MAST4: variants seen among roughly 807,000 people sequenced by gnomAD.
MAST4 encodes the protein microtubule associated serine/threonine kinase family member 4, also known as microtubule-associated serine/threonine-protein kinase 4.
In MAST4, 89 loss-of-function variants were observed where a neutral mutation model predicts 162.7. That is an observed-to-expected ratio of 0.55 (90% CI 0.46 to 0.65). The LOEUF (loss-of-function observed/expected upper bound fraction) is 0.65. MAST4 is among the 30% of genes least tolerant of loss of function. The probability of loss-of-function intolerance (pLI) is 0.00; values close to 1 mark genes in which losing one functional copy is unlikely to be tolerated. For synonymous variants in MAST4, 1,479 were observed against 1,361.1 expected (o/e 1.09, Z -1.91); for missense variants, 3,153 against 3,374.0 (o/e 0.93, Z 1.62).
intron 10 of MAST4, among the ~76,000 whole-genome samples, chr5:67,107,672 A>G (rs2432154): frequency 0.39 from 58,882 of 152,020 alleles, 13,865 homozygotes; most frequent in African/African-American, 0.67. Context: ...CTATCTCCTA[A>G]CCATTTTTCC....
intron 3 of MAST4, among the ~76,000 whole-genome samples, chr5:66,883,688 A>G (rs949669241): frequency 3.3e-5 from 5 of 152,090 alleles, no homozygotes; most frequent in African/African-American, 1.2e-4. Context: ...TGGCCTCCCA[A>G]AGTGCTGGGA....
intron 1 of MAST4, among the ~76,000 whole-genome samples, chr5:66,737,242 T>C (rs1218841612): frequency 6.6e-6 from 1 of 152,292 alleles, no homozygotes; most frequent in Non-Finnish European, 1.5e-5. Flanking sequence ...ACAGTTCCTT[T>C]ATGTTGCTGG....
rs183023042 is a variant in MAST4 at position 66,932,524 on chromosome 5, A to G, written c.674+32542A>G. Among the ~76,000 whole-genome samples, 173 of 152,316 alleles carry G rather than the reference A, an allele frequency of 1.1e-3. 1 individual carries two copies. Among genetic ancestry groups the G allele is most frequent in the Admixed American group, 4.0e-3 (61 of 15,298 alleles). On this transcript the variant is annotated intron_variant, in intron 4 of 28. Coordinates refer to ENST00000403625, the MANE Select transcript of MAST4 (RefSeq NM_001164664.2). ...AGAGAAAAAACGATATGAGATAAAC[A>G]CGTGTTGAAATTGTGCTTATGCTTT...
At chr5:66,794,086 G>T (rs542224802) in intron 3 of MAST4, among the ~76,000 whole-genome samples, 1 of 152,144 alleles carries the variant, frequency 6.6e-6, no homozygotes, top group Admixed American at 6.5e-5. Context: ...GTATATTTAT[G>T]GTTTTGTTTT....
At chr5:66,952,431 C>T (rs142650389) in intron 4 of MAST4, among the ~76,000 whole-genome samples, 1 of 152,048 alleles carries the variant, frequency 6.6e-6, no homozygotes, top group Non-Finnish European at 1.5e-5. Flanking sequence ...TTATAAAGAC[C>T]TGCTTGAAAA....
Position 67,163,063 on chromosome 5 carries a change from T to C in MAST4, c.3968-84T>C. The stretch of plus-strand genomic sequence containing the variant: ...ACAATTTGCTGATCTTACCTGGCCT[T>C]ACCTAATACAGTCTGGGCTACAACT... On this transcript the variant is annotated intron_variant, in intron 28 of 28. Transcript: ENST00000403625. The surrounding 1 kb of genome is among the most constrained non-coding windows in gnomAD (Gnocchi z 7.0). 7.0e-7 allele frequency: 1 copy of C among 1,436,724 alleles called. No individual in the cohort carries two copies. Among genetic ancestry groups the C allele is most frequent in the Non-Finnish European group, 9.4e-7 (1 of 1,059,536 alleles). 89.0% of individuals were successfully genotyped at this position (1,436,724 alleles called of 1,614,324 possible). A position where few individuals can be genotyped will look rare whatever the true frequency, so the allele number is the denominator to read the frequency against.
chr5:66,987,949 T>G (rs947587259), intron 4 of MAST4, among the ~76,000 whole-genome samples: 1 of 152,224 alleles, frequency 6.6e-6, no homozygotes, highest in Non-Finnish European at 1.5e-5. Flanking sequence ...TTTGTGATGC[T>G]GAGGTTAATA....
intron 1 of MAST4, among the ~76,000 whole-genome samples, chr5:66,612,374 G>A (rs1743345932): frequency 6.6e-6 from 1 of 152,192 alleles, no homozygotes. Flanking sequence ...CTCCATTATT[G>A]GTGGTGAGGT....
At chr5:66,922,279 G>A (rs1764590443) in intron 4 of MAST4, among the ~76,000 whole-genome samples, 1 of 152,306 alleles carries the variant, frequency 6.6e-6, no homozygotes, top group African/African-American at 2.4e-5. Context: ...GAGATGAGTT[G>A]AGACTGCTCC....
intron 4 of MAST4, among the ~76,000 whole-genome samples, chr5:66,981,555 A>G (rs1339183408): frequency 6.6e-6 from 1 of 152,206 alleles, no homozygotes; most frequent in Non-Finnish European, 1.5e-5. Context: ...GAGTTCAGAA[A>G]CTGGCAGAGT....
At chr5:67,080,305 G>T (rs1016861051) in intron 5 of MAST4, among the ~76,000 whole-genome samples, 2 of 152,176 alleles carry the variant, frequency 1.3e-5, no homozygotes, top group Non-Finnish European at 2.9e-5. Context: ...TTCATTCAAA[G>T]AGGGATTTAA....
intron 3 of MAST4, among the ~76,000 whole-genome samples, chr5:66,847,830 A>AAAAAG (rs1251099712): frequency 1.3e-5 from 2 of 150,824 alleles, no homozygotes; most frequent in Non-Finnish European, 3.0e-5. Context: ...CAAAAAAAAA[A>AAAAAG]AAAAAAAAAA....
At chr5:66,817,947 T>G (rs1208819633) in intron 3 of MAST4, among the ~76,000 whole-genome samples, 1 of 152,166 alleles carries the variant, frequency 6.6e-6, no homozygotes, top group Non-Finnish European at 1.5e-5. Context: ...AGAAGTTAAA[T>G]CAACTTCCAG....
intron 4 of MAST4, among the ~76,000 whole-genome samples, chr5:67,051,055 A>T (rs188125201): frequency 1.3e-5 from 2 of 152,260 alleles, no homozygotes; most frequent in Admixed American, 1.3e-4. Context: ...AAAACTGGAG[A>T]TAACTCTTTA....
intron 3 of MAST4, among the ~76,000 whole-genome samples, chr5:66,826,119 A>G (rs573490499): frequency 1.3e-5 from 2 of 151,906 alleles, no homozygotes; most frequent in East Asian, 3.9e-4. Context: ...GCTTGATGTT[A>G]TTTTTCAGCA....
At chr5:67,066,487 G>A (rs1760247664) in intron 5 of MAST4, among the ~76,000 whole-genome samples, 1 of 151,262 alleles carries the variant, frequency 6.6e-6, no homozygotes, top group Admixed American at 6.6e-5. Flanking sequence ...ATAATTTTAT[G>A]TCTATATCAT....
intron 1 of MAST4, among the ~76,000 whole-genome samples, chr5:66,692,202 T>A (rs987141204): frequency 6.6e-6 from 1 of 152,114 alleles, no homozygotes; most frequent in Non-Finnish European, 1.5e-5. Flanking sequence ...ACCTCTTAGG[T>A]GTTCAATCGC....
chr5:66,828,985 T>A, intron 3 of MAST4: 1 of 923,024 alleles, frequency 1.1e-6, no homozygotes, highest in Non-Finnish European at 1.7e-6. Flanking sequence ...AATATGTGCA[T>A]AATTCTTAGT....
At chr5:66,696,022 A>G (rs535928554) in intron 1 of MAST4, among the ~76,000 whole-genome samples, 21 of 152,220 alleles carry the variant, frequency 1.4e-4, no homozygotes, top group Admixed American at 2.0e-4. Context: ...CTATGCAGCC[A>G]TAAAAAGGAA....
Sources: allele counts gnomAD v4.1 joint callset (sites outside exome capture counted in the v4.1 genomes callset), GRCh38; gene constraint gnomAD v4.1.1; non-coding constraint Gnocchi (gnomAD v3.1); transcripts MANE v1.5; gene names NCBI Gene and HGNC (gene_info 2026-07-23, HGNC 2026-07-21).